Variants in CDKN2AIPNL observed in about 807,000 individuals in gnomAD.
The protein encoded by CDKN2AIPNL is XRN2 binding domain containing 1, also known as CDKN2AIP N-terminal-like protein.
Under a neutral mutation model 12.9 loss-of-function variants are expected in CDKN2AIPNL, and 9 were observed. The observed-to-expected ratio is 0.70, with a 90% CI of 0.42 to 1.22. The LOEUF is 1.22. Among genes scored for constraint, CDKN2AIPNL ranks in the 50% most tolerant of loss-of-function variants. The probability of loss-of-function intolerance (pLI) is 0.00; values close to 1 mark genes in which losing one functional copy is unlikely to be tolerated. For missense variants in CDKN2AIPNL, 143 were observed against 153.6 expected (o/e 0.93, Z 0.37); for synonymous variants, 53 against 61.7 (o/e 0.86, Z 0.66).
chr5:134,406,109 A>G (rs905222312), intron 2 of CDKN2AIPNL, among the ~76,000 whole-genome samples: 2 of 152,224 alleles, frequency 1.3e-5, no homozygotes, highest in Non-Finnish European at 2.9e-5. Context: ...TCAGAAACCA[A>G]TGCTCATTTC....
At chr5:134,406,894 T>A (rs1759112851) in intron 2 of CDKN2AIPNL, among the ~76,000 whole-genome samples, 1 of 152,176 alleles carries the variant, frequency 6.6e-6, no homozygotes, top group African/African-American at 2.4e-5. Flanking sequence ...CAAAACTCTA[T>A]GCACCCTCTA....
chr5:134,407,878 G>A (rs1759129310), intron 2 of CDKN2AIPNL, among the ~76,000 whole-genome samples: 1 of 152,136 alleles, frequency 6.6e-6, no homozygotes. Context: ...GCTCACGCCT[G>A]TAATCCTAGC....
chr5:134,404,479 A>G (rs2149696837), intron 2 of CDKN2AIPNL, among the ~76,000 whole-genome samples: 1 of 152,180 alleles, frequency 6.6e-6, no homozygotes, highest in Middle Eastern at 3.4e-3. Flanking sequence ...ATGCGCAACT[A>G]TGCCCAGGTA....
At chr5:134,403,671 C>T (rs1759060435) in intron 2 of CDKN2AIPNL, among the ~76,000 whole-genome samples, 1 of 152,228 alleles carries the variant, frequency 6.6e-6, no homozygotes, top group South Asian at 2.1e-4. Flanking sequence ...GTTACCCAGG[C>T]TGGAGTGCAG....
intron 2 of CDKN2AIPNL, among the ~76,000 whole-genome samples, chr5:134,403,413 GCTATT>G (rs1342576469): frequency 6.6e-5 from 10 of 152,190 alleles, no homozygotes; most frequent in African/African-American, 2.4e-4. Flanking sequence ...ATGAAGCAGA[GCTATT>G]CTTTCTGGTT....
intron 2 of CDKN2AIPNL, among the ~76,000 whole-genome samples, chr5:134,405,382 GGCGTGA>G (rs1244448761): frequency 1.3e-5 from 2 of 151,764 alleles, no homozygotes; most frequent in Non-Finnish European, 2.9e-5. Flanking sequence ...TGGGATTACA[GGCGTGA>G]GCCACCGCGC....
Position 134,411,680 on chromosome 5 carries a change from C to T in CDKN2AIPNL, c.175G>A (p.Gly59Ser). The T allele has an allele frequency of 6.2e-7, 1 of 1,613,070 alleles. No individual in the cohort carries two copies. Among genetic ancestry groups the T allele is most frequent in the Non-Finnish European group, 8.5e-7 (1 of 1,179,770 alleles). Residue 59 changes from glycine to serine, a missense_variant, in exon 1 of 3, where the codon GGC becomes AGC. Physicochemically the swap from Gly to Ser is moderately conservative, Grantham distance 56 (BLOSUM62 0). Around this residue, in one of 3 missense-constraint regions of CDKN2AIPNL, gnomAD observed 111 missense variants for 111.4 expected, o/e 1.00. Transcript: ENST00000458198. ...AGGGAGAGCAGCTGGTCCAGGCGGC[C>T]ACTGCCGTCGGGCGGGTCGCGGTAG... is the stretch of plus-strand genomic sequence containing the variant. ...PDYRDPPDGS[G>S]RLDQLLSLSM...
At chr5:134,403,159 A>C (rs1402085615) in intron 2 of CDKN2AIPNL, among the ~76,000 whole-genome samples, 1 of 152,216 alleles carries the variant, frequency 6.6e-6, no homozygotes, top group Non-Finnish European at 1.5e-5. Context: ...GCAATCTATA[A>C]ATGTTCACAA....
At chr5:134,404,644 T>A (rs540290659) in intron 2 of CDKN2AIPNL, among the ~76,000 whole-genome samples, 311 of 151,372 alleles carry the variant, frequency 2.1e-3, no homozygotes, top group African/African-American at 6.9e-3. Context: ...TTTTTTTTTT[T>A]AATACTCACC....
chr5:134,403,075 A>C (rs769512101), intron 2 of CDKN2AIPNL, 149 bp from the exon 3 acceptor site: 4 of 591,730 alleles, frequency 6.8e-6, no homozygotes, highest in Non-Finnish European at 1.1e-5. Flanking sequence ...TTTACAACAT[A>C]CAGAAAATTC....
chr5:134,411,702 G>A lies in CDKN2AIPNL; in HGVS notation c.153C>T (p.Tyr51=), dbSNP rs765420052. 7 of 1,613,030 alleles carry A rather than the reference G, an allele frequency of 4.3e-6. No individual in the cohort carries two copies. In the Admixed American group the frequency reaches 6.7e-5, roughly 15 times the overall value. ...MEFILRHLPD[Y]RDPPDGSGRL... ...GGCCACTGCCGTCGGGCGGGTCGCGGTAGTCGGGCAGGTGGCGCAGGATGA... is the reference window on the plus strand; with the variant it reads ...GGCCACTGCCGTCGGGCGGGTCGCGATAGTCGGGCAGGTGGCGCAGGATGA... Residue 51 remains tyrosine (Y), a synonymous_variant, in exon 1 of 3, where the codon TAC becomes TAT. Coordinates refer to ENST00000458198, the MANE Select transcript of CDKN2AIPNL (RefSeq NM_080656.3).
chr5:134,409,007 T>G (rs913135039), intron 2 of CDKN2AIPNL, among the ~76,000 whole-genome samples: 3 of 152,040 alleles, frequency 2.0e-5, no homozygotes, highest in African/African-American at 7.3e-5. Context: ...GACCTAAATG[T>G]GGAGGAATGG....
rs747580928 is a variant in CDKN2AIPNL at position 134,411,842 on chromosome 5, C to G, written c.13G>C (p.Glu5Gln). MVGG[E>Q]AAAAVEELVS... ...AGCTCCTCCACTGCGGCAGCCGCCTCGCCACCGACCATGGTGCCCGCCGCA... is the reference window on the plus strand; with the variant it reads ...AGCTCCTCCACTGCGGCAGCCGCCTGGCCACCGACCATGGTGCCCGCCGCA... The change falls in exon 1 of 3, where the codon GAG (glutamate) becomes CAG (glutamine). Residue 5 changes from glutamate to glutamine, a missense_variant. Physicochemically the swap from Glu to Gln is conservative, Grantham distance 29 (BLOSUM62 2). Coordinates refer to ENST00000458198, the MANE Select transcript of CDKN2AIPNL (RefSeq NM_080656.3). 6.4e-7 allele frequency: 1 copy of G among 1,566,366 alleles called. No homozygotes were observed. Among genetic ancestry groups the G allele is most frequent in the African/African-American group, 1.4e-5 (1 of 73,210 alleles).
chr5:134,409,347 G>A (rs924881207), intron 2 of CDKN2AIPNL, among the ~76,000 whole-genome samples: 1 of 152,144 alleles, frequency 6.6e-6, no homozygotes, highest in Non-Finnish European at 1.5e-5. Flanking sequence ...ATATTCTGAG[G>A]TTCTTTCTGC....
Position 134,402,100 on chromosome 5 carries a change from T to C in CDKN2AIPNL, c.*815A>G, listed in dbSNP as rs940547147. ...AACAAAAAGGCATTTTATTTTATTA[T>C]TTTTATTTTTTTTGAGACGGTGTTT... On this transcript the variant is annotated 3_prime_UTR_variant, in exon 3 of 3. Transcript: ENST00000458198. The C allele has an allele frequency of 2.6e-5, 4 of 152,104 alleles. No individual in the cohort carries two copies. Among genetic ancestry groups the C allele is most frequent in the African/African-American group, 7.2e-5 (3 of 41,404 alleles). The allele number at this position is 152,104 out of a possible 1,614,324, so 9.4% of individuals were successfully genotyped here.
intron 2 of CDKN2AIPNL, among the ~76,000 whole-genome samples, chr5:134,408,494 C>T (rs1006832479): frequency 2.2e-5 from 3 of 136,914 alleles, no homozygotes; most frequent in African/African-American, 5.5e-5. Flanking sequence ...ACGGTGAAAC[C>T]CCGTCTCTAC....
In CDKN2AIPNL at chr5:134,411,617, T is replaced by G. The variant is rs1238809153; in HGVS notation, c.238A>C (p.Ser80Arg). 6.2e-7 allele frequency: 1 copy of G among 1,611,394 alleles called. No individual in the cohort carries two copies. Among genetic ancestry groups the G allele is most frequent in the Non-Finnish European group, 8.5e-7 (1 of 1,179,136 alleles). ...CAGCCGGCCGGCAGGGGTCCGCACC[T>G]GCAGCCTAGGAAGAGATGGTTGGCC... ...VWANHLFLGC[S>R]YNKDLLDKVM... Residue 80 changes from serine to arginine, a missense_variant and splice_region_variant, in exon 1 of 3, where the codon AGT (serine) becomes CGT (arginine). By Grantham distance (110) the Ser-to-Arg change is moderately radical. Transcript: ENST00000458198.
At chr5:134,405,705 A>T (rs1436067725) in intron 2 of CDKN2AIPNL, among the ~76,000 whole-genome samples, 1 of 151,592 alleles carries the variant, frequency 6.6e-6, no homozygotes, top group South Asian at 2.1e-4. Flanking sequence ...ATGAGCCACC[A>T]CGCCCAGCCT....
chr5:134,409,540 C>T (rs561408130), intron 2 of CDKN2AIPNL, among the ~76,000 whole-genome samples: 8 of 152,244 alleles, frequency 5.3e-5, no homozygotes, highest in African/African-American at 1.9e-4. Context: ...GCACTCACAC[C>T]GGCACTCACA....
Sources: allele counts gnomAD v4.1 joint callset (sites outside exome capture counted in the v4.1 genomes callset), GRCh38; gene constraint gnomAD v4.1.1; regional missense constraint gnomAD v4.1.1; transcripts MANE v1.5; gene names NCBI Gene and HGNC (gene_info 2026-07-23, HGNC 2026-07-21).